KALRN: variants seen among roughly 807,000 people sequenced by gnomAD.
The protein encoded by KALRN is kalirin RhoGEF kinase.
A neutral mutation model predicts 353.7 loss-of-function variants in KALRN; 70 were observed. The observed-to-expected ratio is 0.20, with a 90% confidence interval of 0.16 to 0.24. The LOEUF (loss-of-function observed/expected upper bound fraction) is 0.24. KALRN is among the 10% of genes least tolerant of loss of function. The probability of loss-of-function intolerance (pLI) is 1.00; values close to 1 mark genes in which losing one functional copy is unlikely to be tolerated. For synonymous variants in KALRN, 1,391 were observed against 1,434.8 expected (o/e 0.97, Z 0.69); for missense variants, 2,791 against 3,756.7 (o/e 0.74, Z 6.72).
chr3:124,421,117 G>A (rs1216386214), intron 14 of KALRN, among the ~76,000 whole-genome samples: 1 of 152,184 alleles, frequency 6.6e-6, no homozygotes, highest in Non-Finnish European at 1.5e-5. Context: ...ATTGTTGGAT[G>A]AGGAGCCAGG....
rs72147097 is a variant in KALRN at position 124,319,993 on chromosome 3, CAATAAT to C, written c.1093-5969_1093-5964del. Among the ~76,000 whole-genome samples, 414 of 151,068 alleles carry C rather than the reference CAATAAT, an allele frequency of 2.7e-3. 1 individual carries two copies. The highest frequency in any genetic ancestry group is 9.4e-3 in the African/African-American group (387 of 41,184). On this transcript the variant is annotated intron_variant, in intron 6 of 59. Coordinates refer to ENST00000682506, the MANE Select transcript of KALRN (RefSeq NM_001388419.1). ...TGGGCAACAGAGTGAGACTCCATCT[CAATAAT>C]AATAATAATAATAATAAGCACTCAA...
chr3:124,324,644 T>G (rs1490266507), intron 6 of KALRN, among the ~76,000 whole-genome samples: 1 of 152,174 alleles, frequency 6.6e-6, no homozygotes, highest in East Asian at 1.9e-4. Flanking sequence ...AGTTCTTCAC[T>G]TAACTTTTTA....
intron 5 of KALRN, among the ~76,000 whole-genome samples, chr3:124,272,864 A>G (rs2074311542): frequency 6.6e-6 from 1 of 152,124 alleles, no homozygotes; most frequent in African/African-American, 2.4e-5. Flanking sequence ...GGGGGTGAAG[A>G]GGGTGATGGT....
intron 10 of KALRN, among the ~76,000 whole-genome samples, chr3:124,355,185 G>T (rs959502669): frequency 1.3e-5 from 2 of 152,136 alleles, no homozygotes. Context: ...AAACTCCCAA[G>T]AACTTTGACC....
intron 38 of KALRN, among the ~76,000 whole-genome samples, chr3:124,654,697 C>T (rs1184875978): frequency 6.6e-6 from 1 of 152,222 alleles, no homozygotes; most frequent in African/African-American, 2.4e-5. Context: ...AAGCAGTGGG[C>T]TGCTGGGAAA....
At chr3:124,615,657 A>C (rs920383497) in intron 34 of KALRN, among the ~76,000 whole-genome samples, 3 of 152,192 alleles carry the variant, frequency 2.0e-5, no homozygotes, top group Non-Finnish European at 4.4e-5. Context: ...CAAAATAAAA[A>C]GTTTTAAAGA....
In KALRN at chr3:124,547,997, A is replaced by G. The variant is rs373393944; in HGVS notation, c.4936-14846A>G. On this transcript the variant is annotated intron_variant, in intron 33 of 59. Transcript: ENST00000682506. The stretch of plus-strand genomic sequence containing the variant: ...TCCTCCAGGTTCTGATTTTTCCTAA[A>G]GATAAAAAGAAATTTGCTCTCCATC... Among the ~76,000 whole-genome samples the G allele has an allele frequency of 4.0e-4, 61 of 152,278 alleles. 1 individual carries two copies. The highest frequency in any genetic ancestry group is 3.4e-3 in the Middle Eastern group (1 of 294).
chr3:124,124,958 A>G (rs1249579005), intron 1 of KALRN, among the ~76,000 whole-genome samples: 1 of 152,166 alleles, frequency 6.6e-6, no homozygotes, highest in Non-Finnish European at 1.5e-5. Flanking sequence ...AATACCTCTG[A>G]GGTATACCTG....
At chr3:124,040,433 A>G (rs1160913621) in intron 1 of KALRN, among the ~76,000 whole-genome samples, 2 of 151,948 alleles carry the variant, frequency 1.3e-5, no homozygotes, top group Non-Finnish European at 2.9e-5. Flanking sequence ...CAATGCCTGG[A>G]GACATTTTTT....
chr3:124,332,241 T>C (rs2080651398), intron 8 of KALRN, among the ~76,000 whole-genome samples: 1 of 152,014 alleles, frequency 6.6e-6, no homozygotes, highest in Non-Finnish European at 1.5e-5. Flanking sequence ...TGTGGCCCCA[T>C]GGGCAGGAGT....
intron 33 of KALRN, chr3:124,505,041 C>A: frequency 2.1e-6 from 1 of 468,598 alleles, no homozygotes; most frequent in South Asian, 1.6e-5. Flanking sequence ...AAGCTTGGAG[C>A]CTGCAGGTAG....
chr3:124,340,870 C>A (rs374473038), intron 9 of KALRN, among the ~76,000 whole-genome samples: 2 of 152,146 alleles, frequency 1.3e-5, no homozygotes, highest in Admixed American at 6.5e-5. Flanking sequence ...GCAGGAGAAT[C>A]GCTTGAACCT....
At chr3:124,491,052 G>A (rs546474930) in intron 30 of KALRN, among the ~76,000 whole-genome samples, 168 bp downstream of exon 30, 14 of 152,144 alleles carry the variant, frequency 9.2e-5, no homozygotes, top group East Asian at 1.9e-4. Context: ...CACCTCCCAC[G>A]TCTGCATTGT....
intron 37 of KALRN, among the ~76,000 whole-genome samples, chr3:124,649,501 C>T (rs1194401673): frequency 2.0e-5 from 3 of 152,120 alleles, no homozygotes; most frequent in Admixed American, 6.5e-5. Context: ...GGGCCAGACA[C>T]GCTGTCTCAC....
At chr3:124,480,449 T>A (rs1194862904) in intron 27 of KALRN, among the ~76,000 whole-genome samples, 1 of 152,234 alleles carries the variant, frequency 6.6e-6, no homozygotes, top group Non-Finnish European at 1.5e-5. Flanking sequence ...ATATTTCTTT[T>A]ATTCTTCCCA....
intron 58 of KALRN, among the ~76,000 whole-genome samples, chr3:124,714,909 G>A (rs567132571): frequency 9.9e-4 from 150 of 151,882 alleles, no homozygotes; most frequent in Non-Finnish European, 1.8e-3. Context: ...CCAGCTACTC[G>A]GGAGGCTGAG....
In KALRN at chr3:124,724,521, T is replaced by C. The variant is rs556772148; in HGVS notation, c.*5051T>C. ...ATGAATGATTAAACCCATGGTGGGC[T>C]TAGAGACGACAGAGCTCACACACGC... is the stretch of plus-strand genomic sequence containing the variant. On this transcript the variant is annotated 3_prime_UTR_variant, in exon 60 of 60. Coordinates refer to ENST00000682506, the MANE Select transcript of KALRN (RefSeq NM_001388419.1). The C allele has an allele frequency of 2.0e-5, 3 of 152,288 alleles. No individual in the cohort carries two copies. The East Asian group carries it at 5.8e-4, about 29-fold the overall frequency. 9.4% of individuals were successfully genotyped at this position (152,288 alleles called of 1,614,324 possible). A position where few individuals can be genotyped will look rare whatever the true frequency, so the allele number is the denominator to read the frequency against.
At chr3:124,109,743 TGA>T (rs1449323223) in intron 1 of KALRN, among the ~76,000 whole-genome samples, 78 of 129,864 alleles carry the variant, frequency 6.0e-4, no homozygotes, top group East Asian at 2.2e-3. Flanking sequence ...GATATATATA[TGA>T]CATATATATC....
chr3:124,213,781 C>T (rs1560248783), intron 1 of KALRN, among the ~76,000 whole-genome samples: 1 of 152,148 alleles, frequency 6.6e-6, no homozygotes, highest in Non-Finnish European at 1.5e-5. Flanking sequence ...ATTTGGACTT[C>T]AGTTCTTTTA....
Sources: allele counts gnomAD v4.1 joint callset (sites outside exome capture counted in the v4.1 genomes callset), GRCh38; gene constraint gnomAD v4.1.1; transcripts MANE v1.5; gene names NCBI Gene and HGNC (gene_info 2026-07-23, HGNC 2026-07-21).